Variants in THSD4 observed in about 807,000 individuals in gnomAD.
THSD4 encodes the protein thrombospondin type 1 domain containing 4.
Under a neutral mutation model 119.0 loss-of-function variants are expected in THSD4, and 69 were observed. That is an observed-to-expected ratio of 0.58 (90% CI 0.48 to 0.71). The LOEUF is 0.71. THSD4 is among the 30% of genes least tolerant of loss of function. The probability of loss-of-function intolerance (pLI) is 0.00; values close to 1 mark genes in which losing one functional copy is unlikely to be tolerated. For synonymous variants in THSD4, 524 were observed against 540.4 expected (o/e 0.97, Z 0.42); for missense variants, 1,393 against 1,391.1 (o/e 1.00, Z -0.02).
At chr15:71,193,761 G>A (rs985869913) in intron 3 of THSD4, among the ~76,000 whole-genome samples, 5 of 152,164 alleles carry the variant, frequency 3.3e-5, no homozygotes, top group African/African-American at 7.2e-5. Context: ...AGGCAGGAGT[G>A]CAGTGGCGTG....
At chr15:71,715,543 T>G (rs898725233) in intron 8 of THSD4, among the ~76,000 whole-genome samples, 1 of 152,072 alleles carries the variant, frequency 6.6e-6, no homozygotes, top group Non-Finnish European at 1.5e-5. Flanking sequence ...GTGTTTATAT[T>G]TTTTTTAATG....
intron 5 of THSD4, among the ~76,000 whole-genome samples, chr15:71,250,530 G>C (rs551461979): frequency 3.9e-5 from 6 of 151,992 alleles, no homozygotes; most frequent in African/African-American, 1.5e-4. Flanking sequence ...TGTTGCCCAC[G>C]GTGGTCTTGA....
intron 6 of THSD4, among the ~76,000 whole-genome samples, chr15:71,311,180 GA>G (rs897784480): frequency 6.6e-6 from 1 of 152,162 alleles, no homozygotes; most frequent in African/African-American, 2.4e-5. Flanking sequence ...TCAATTTCAA[GA>G]GGCAGGATAG....
intron 7 of THSD4, chr15:71,547,613 T>C: frequency 9.6e-7 from 1 of 1,044,332 alleles, no homozygotes; most frequent in Non-Finnish European, 1.3e-6. Flanking sequence ...ATTACTTTTG[T>C]AGGCTTCTCT....
At chr15:71,349,598 G>C (rs1166203200) in intron 6 of THSD4, among the ~76,000 whole-genome samples, 1 of 152,218 alleles carries the variant, frequency 6.6e-6, no homozygotes, top group Admixed American at 6.5e-5. Context: ...TCACCTCTGG[G>C]AGGTAGCATT....
chr15:71,321,200 G>A (rs940558358), intron 6 of THSD4, among the ~76,000 whole-genome samples: 1 of 152,158 alleles, frequency 6.6e-6, no homozygotes, highest in Admixed American at 6.5e-5. Flanking sequence ...ACCAGAGCTG[G>A]ACCTAAGATC....
chr15:71,739,836 T>A (rs949226360), intron 11 of THSD4, among the ~76,000 whole-genome samples: 2 of 151,790 alleles, frequency 1.3e-5, no homozygotes, highest in African/African-American at 4.8e-5. Context: ...TTTGCTTTTT[T>A]TTTTTCTTTT....
intron 3 of THSD4, among the ~76,000 whole-genome samples, chr15:71,205,796 A>G (rs1034521453): frequency 1.3e-5 from 2 of 151,978 alleles, no homozygotes; most frequent in Middle Eastern, 3.5e-3. Context: ...GTAACATTAA[A>G]TCATCTGTCT....
At chr15:71,509,386 A>G (rs2048244046) in intron 7 of THSD4, among the ~76,000 whole-genome samples, 1 of 152,226 alleles carries the variant, frequency 6.6e-6, no homozygotes, top group South Asian at 2.1e-4. Flanking sequence ...TTGCTGTGCC[A>G]TGAGTAATAA....
intron 6 of THSD4, among the ~76,000 whole-genome samples, chr15:71,390,777 A>T (rs2046365576): frequency 6.8e-6 from 1 of 146,988 alleles, no homozygotes; most frequent in East Asian, 2.1e-4. Flanking sequence ...TCTCAAATAT[A>T]TTGGGCTTTC....
chr15:71,554,727 CTT>C (rs34568649), intron 7 of THSD4, among the ~76,000 whole-genome samples: 136 of 148,514 alleles, frequency 9.2e-4, no homozygotes, highest in African/African-American at 1.7e-3. Context: ...AAAAAGTTAC[CTT>C]TTTTTTTTTT....
At chr15:71,172,697 A>G (rs2043385675) in intron 3 of THSD4, among the ~76,000 whole-genome samples, 1 of 94,766 alleles carries the variant, frequency 1.1e-5, no homozygotes, top group African/African-American at 5.5e-5. Flanking sequence ...ATATATATAT[A>G]TATATATATA....
At chr15:71,586,106 G>C (rs147622610) in intron 7 of THSD4, among the ~76,000 whole-genome samples, 12 of 152,178 alleles carry the variant, frequency 7.9e-5, no homozygotes, top group African/African-American at 2.9e-4. Context: ...TGTTCTATTA[G>C]TTTATTTTGG....
chr15:71,294,052 T>C (rs1269026676), intron 6 of THSD4, among the ~76,000 whole-genome samples: 2 of 152,204 alleles, frequency 1.3e-5, no homozygotes, highest in African/African-American at 4.8e-5. Flanking sequence ...TTTTTCCTGC[T>C]TTAGTCCATT....
intron 2 of THSD4, 30 bp from the exon 3 acceptor site, chr15:71,154,833 A>G (rs753407480): frequency 6.2e-7 from 1 of 1,611,340 alleles, no homozygotes; most frequent in African/African-American, 1.3e-5. Context: ...CATACTCACC[A>G]TCCTGCCTGT....
chr15:71,160,600 G>C (rs2043240773), intron 3 of THSD4, among the ~76,000 whole-genome samples: 1 of 151,704 alleles, frequency 6.6e-6, no homozygotes, highest in South Asian at 2.1e-4. Flanking sequence ...AAATTTATTG[G>C]TGTATAGTTG....
intron 8 of THSD4, among the ~76,000 whole-genome samples, chr15:71,712,157 C>T (rs1010796954): frequency 2.0e-5 from 3 of 152,094 alleles, no homozygotes; most frequent in African/African-American, 7.2e-5. Context: ...ATATAAACAT[C>T]GCTTTTCTCA....
intron 3 of THSD4, chr15:71,187,523 G>C (rs2043620956): frequency 1.3e-5 from 2 of 152,618 alleles, no homozygotes; most frequent in South Asian, 4.1e-4. Flanking sequence ...TGCTTTCCAG[G>C]CATTGGACAC....
At chr15:71,262,053 G>T (rs185501678) in intron 6 of THSD4, among the ~76,000 whole-genome samples, 4 of 152,020 alleles carry the variant, frequency 2.6e-5, no homozygotes, top group Non-Finnish European at 5.9e-5. Flanking sequence ...ATTTTGCATC[G>T]GGCTCTTGGT....
Sources: gnomAD v4.1 joint callset for allele counts (sites outside exome capture counted in the v4.1 genomes callset) on GRCh38, gnomAD v4.1.1 for gene constraint, MANE v1.5 for transcripts, NCBI Gene and HGNC (gene_info 2026-07-23, HGNC 2026-07-21) for gene names.